Variants in FA2H observed in about 807,000 individuals in gnomAD.
The protein encoded by FA2H is fatty acid 2-hydroxylase, also known as fatty acid alpha-hydroxylase.
Under a neutral mutation model 44.9 loss-of-function variants are expected in FA2H, and 22 were observed. The observed-to-expected ratio is 0.49, with a 90% CI of 0.35 to 0.70. The LOEUF is 0.70. Among genes scored for constraint, FA2H ranks in the 30% least tolerant of loss-of-function variants. FA2H has a pLI of 0.01. For synonymous variants in FA2H, 243 were observed against 213.2 expected (o/e 1.14, Z -1.22); for missense variants, 501 against 504.9 (o/e 0.99, Z 0.07).
At chr16:74,735,294 C>T (rs1287579300) in intron 2 of FA2H, among the ~76,000 whole-genome samples, 1 of 152,126 alleles carries the variant, frequency 6.6e-6, no homozygotes, top group Non-Finnish European at 1.5e-5. Context: ...AGGTGGGGCT[C>T]TTGGTGGCGT....
At chr16:74,772,325 G>A (rs1385023082) in intron 1 of FA2H, among the ~76,000 whole-genome samples, 3 of 152,166 alleles carry the variant, frequency 2.0e-5, no homozygotes, top group Non-Finnish European at 2.9e-5. Flanking sequence ...CAGTGTCAAT[G>A]TCGCTTTCTC....
intron 1 of FA2H, among the ~76,000 whole-genome samples, chr16:74,741,796 A>ATGTG (rs1444638627): frequency 1.3e-5 from 1 of 78,516 alleles, no homozygotes; most frequent in African/African-American, 5.4e-5. Context: ...ATATATATAT[A>ATGTG]TATATATATA....
At chr16:74,747,183 C>T (rs1962439942) in intron 1 of FA2H, among the ~76,000 whole-genome samples, 1 of 151,998 alleles carries the variant, frequency 6.6e-6, no homozygotes, top group African/African-American at 2.4e-5. Context: ...TGGTGGCAGG[C>T]ACCTGTAATC....
At position 74,727,239 on chromosome 16, in the gene FA2H, C is replaced by G; in HGVS notation, c.506+5G>C. ...AGCCTGCCACAGGCTCAGGGAAGAG[C>G]TCACCAGACAGTCTTAGAGAGGCCC... On this transcript the variant is annotated splice_donor_5th_base_variant and intron_variant, in intron 3 of 6. Transcript: ENST00000219368. The G allele has an allele frequency of 6.2e-7, 1 of 1,614,036 alleles. No homozygotes were observed. Among genetic ancestry groups the G allele is most frequent in the Non-Finnish European group, 8.5e-7 (1 of 1,180,038 alleles).
At chr16:74,725,742 G>C (rs923750550) in intron 4 of FA2H, among the ~76,000 whole-genome samples, 1 of 152,178 alleles carries the variant, frequency 6.6e-6, no homozygotes, top group Non-Finnish European at 1.5e-5. Flanking sequence ...CCCAGTCTGG[G>C]GGTCTGCTGC....
chr16:74,738,286 A>G (rs1962220268), intron 2 of FA2H, among the ~76,000 whole-genome samples: 1 of 152,046 alleles, frequency 6.6e-6, no homozygotes, highest in Non-Finnish European at 1.5e-5. Flanking sequence ...CCAGGCAGGG[A>G]GCAGTCCATG....
chr16:74,741,882 G>C (rs182168146), intron 1 of FA2H, among the ~76,000 whole-genome samples: 265 of 147,396 alleles, frequency 1.8e-3, no homozygotes, highest in African/African-American at 6.3e-3. Context: ...GTGTGTGTGT[G>C]TGTATCATGC....
chr16:74,767,014 T>TA (rs879645058), intron 1 of FA2H, among the ~76,000 whole-genome samples: 30 of 144,650 alleles, frequency 2.1e-4, no homozygotes, highest in Admixed American at 6.9e-4. Context: ...TTACCTAGGT[T>TA]AAAAAAAAAA....
intron 2 of FA2H, among the ~76,000 whole-genome samples, chr16:74,727,837 C>T (rs762005072): frequency 6.6e-6 from 1 of 152,192 alleles, no homozygotes; most frequent in Non-Finnish European, 1.5e-5. Context: ...GGAGGTAATA[C>T]ATTTTGTATC....
intron 1 of FA2H, among the ~76,000 whole-genome samples, chr16:74,752,804 C>T (rs927224197): frequency 2.6e-5 from 4 of 152,184 alleles, no homozygotes; most frequent in African/African-American, 9.7e-5. Flanking sequence ...CTGTCCTTCC[C>T]TGACCAGGGT....
intron 2 of FA2H, among the ~76,000 whole-genome samples, chr16:74,729,256 G>A (rs957031259): frequency 1.3e-5 from 2 of 152,086 alleles, no homozygotes; most frequent in African/African-American, 2.4e-5. Flanking sequence ...TGATCTGCCC[G>A]CCTCGGCCTC....
At chr16:74,750,761 C>CTGTGTGTGTGTGTG (rs55799456) in intron 1 of FA2H, among the ~76,000 whole-genome samples, 21,993 of 141,414 alleles carry the variant, frequency 0.16, 1,848 homozygotes, top group East Asian at 0.18. Flanking sequence ...TTTTTTTTCA[C>CTGTGTGTGTGTGTG]TGTGTGTGTG....
chr16:74,730,143 G>A lies in FA2H; in HGVS notation c.364-2757C>T, dbSNP rs1029442328. On this transcript the variant is annotated intron_variant, in intron 2 of 6. Coordinates refer to ENST00000219368, the MANE Select transcript of FA2H (RefSeq NM_024306.5). ...CTGCTCTGGAGGTGGAGCTGGTCTC[G>A]CCCATCACAGCCTGGGAGCAGGGGG... 2.6e-5 allele frequency among the ~76,000 whole-genome samples: 4 copies of A among 152,128 alleles called. No homozygotes were observed. In the East Asian group the frequency reaches 5.8e-4, roughly 22 times the overall value.
intron 1 of FA2H, among the ~76,000 whole-genome samples, chr16:74,752,264 A>T (rs4570874): frequency 0.2 from 29,786 of 152,090 alleles, 3,430 homozygotes; most frequent in Non-Finnish European, 0.25. Flanking sequence ...GCCAGAGCTA[A>T]CTGATCAAAT....
intron 1 of FA2H, chr16:74,741,416 TTCTTAG>T (rs908569742): frequency 2.6e-5 from 4 of 152,218 alleles, no homozygotes; most frequent in African/African-American, 9.6e-5. Context: ...TTGTGGTCCT[TTCTTAG>T]TCTGTGTGTC....
chr16:74,759,046 T>C (rs942401618), intron 1 of FA2H, among the ~76,000 whole-genome samples: 2 of 152,202 alleles, frequency 1.3e-5, no homozygotes, highest in African/African-American at 2.4e-5. Flanking sequence ...TCCCACTCTG[T>C]TGCACCTGGC....
intron 6 of FA2H, among the ~76,000 whole-genome samples, chr16:74,715,846 T>G (rs1961682296): frequency 6.7e-6 from 1 of 150,236 alleles, no homozygotes; most frequent in African/African-American, 2.5e-5. Context: ...GACAGAGCCT[T>G]GCTCTGTTGC....
chr16:74,754,822 CT>C (rs2033688545), intron 1 of FA2H, among the ~76,000 whole-genome samples: 1 of 151,934 alleles, frequency 6.6e-6, no homozygotes, highest in African/African-American at 2.4e-5. Flanking sequence ...GCCACCACCC[CT>C]GGTCAGAAAT....
intron 2 of FA2H, among the ~76,000 whole-genome samples, chr16:74,735,805 C>A (rs1231443513): frequency 6.6e-6 from 1 of 152,076 alleles, no homozygotes; most frequent in Non-Finnish European, 1.5e-5. Flanking sequence ...CATAGCAAGA[C>A]CCTATCTCTA....
Sources: gnomAD v4.1 joint callset for allele counts (sites outside exome capture counted in the v4.1 genomes callset) on GRCh38, gnomAD v4.1.1 for gene constraint, MANE v1.5 for transcripts, NCBI Gene and HGNC (gene_info 2026-07-23, HGNC 2026-07-21) for gene names.